The following MET variants were observed in gnomAD, a reference collection of about 807,000 sequenced individuals.
MET encodes MET proto-oncogene, receptor tyrosine kinase, also known as hepatocyte growth factor receptor.
A neutral mutation model predicts 133.1 loss-of-function variants in MET; 48 were observed. The observed-to-expected ratio is 0.36, with a 90% CI of 0.29 to 0.46. The LOEUF is 0.46. Ranked by LOEUF, MET falls within the 20% of genes least tolerant of loss-of-function variation. MET has a pLI of 1.00. For synonymous variants in MET, 628 were observed against 616.5 expected, an observed-to-expected ratio of 1.02 and a Z score of -0.28; for missense variants, 1,442 against 1,695.9, an observed-to-expected ratio of 0.85 and a Z score of 2.63.
intron 5 of MET, among the ~76,000 whole-genome samples, chr7:116,750,654 G>T (rs1317932193): frequency 1.3e-5 from 2 of 152,136 alleles, no homozygotes; most frequent in African/African-American, 2.4e-5. Flanking sequence ...CTACAGAACA[G>T]GATTAAATTG....
Position 116,699,407 on chromosome 7 carries a change from CAGG to C in MET, c.327_329del (p.Gly110del). 2 of 1,614,032 alleles carry C rather than the reference CAGG, an allele frequency of 1.2e-6. No homozygotes were observed. Among genetic ancestry groups the C allele is most frequent in the Non-Finnish European group, 1.7e-6 (2 of 1,179,948 alleles). On this transcript the variant is annotated inframe_deletion, in exon 2 of 21. Coordinates refer to ENST00000397752, the MANE Select transcript of MET (RefSeq NM_000245.4). ...GACTGCAGCAGCAAAGCCAATTTAT[CAGG>C]AGGTGTTTGGAAAGATAACATCAAC...
chr7:116,772,018 T>C (rs750055538), intron 14 of MET, 29 bp downstream of exon 14: 1 of 1,611,136 alleles, frequency 6.2e-7, no homozygotes, highest in African/African-American at 1.3e-5. Context: ...TTCTGAGAAA[T>C]ACCTATACAT....
At chr7:116,771,453 T>C in intron 12 of MET, 45 bp from the exon 13 acceptor site, 2 of 1,611,982 alleles carry the variant, frequency 1.2e-6, no homozygotes, top group Non-Finnish European at 1.7e-6. Context: ...AGTACAAATA[T>C]CTATCATGGC....
chr7:116,771,076 A>G (rs937959400), intron 12 of MET, among the ~76,000 whole-genome samples: 2 of 152,186 alleles, frequency 1.3e-5, no homozygotes, highest in Non-Finnish European at 2.9e-5. Context: ...TTTACCTCTT[A>G]TGGGAAGTCT....
At chr7:116,765,614 G>A (rs1794598137) in intron 11 of MET, among the ~76,000 whole-genome samples, 1 of 152,028 alleles carries the variant, frequency 6.6e-6, no homozygotes, top group South Asian at 2.1e-4. Flanking sequence ...GAAGTTTTTG[G>A]CCAAGGCTTC....
At chr7:116,792,941 A>T (rs183047489) in intron 19 of MET, among the ~76,000 whole-genome samples, 3 of 152,234 alleles carry the variant, frequency 2.0e-5, no homozygotes, top group East Asian at 1.9e-4. Context: ...ATGAATCATT[A>T]TATGACAAAT....
chr7:116,724,796 T>TG, intron 2 of MET: 1 of 1,288,294 alleles, frequency 7.8e-7, no homozygotes, highest in South Asian at 1.2e-5. Context: ...AGATTGGAGG[T>TG]GAAGACCCTG....
intron 5 of MET, among the ~76,000 whole-genome samples, chr7:116,742,953 G>A (rs1793520261): frequency 6.6e-6 from 1 of 152,190 alleles, no homozygotes; most frequent in African/African-American, 2.4e-5. Context: ...TAAGATGGCC[G>A]AGTAGGAACA....
In MET at chr7:116,796,000, T is replaced by C. The variant is rs1795660204; in HGVS notation, c.4049T>C (p.Val1350Ala). 1 of 1,613,924 alleles carries C rather than the reference T, an allele frequency of 6.2e-7. No individual in the cohort carries two copies. The highest frequency in any genetic ancestry group is 8.5e-7 in the Non-Finnish European group (1 of 1,179,916). The part of the protein sequence containing the change: ...IFSTFIGEHY[V>A]HVNATYVNVK... ...TCTACTTTCATTGGGGAGCACTATG[T>C]CCATGTGAACGCTACTTATGTGAAC... Residue 1350 changes from valine to alanine, a missense_variant, in exon 21 of 21, where the codon GTC (valine) becomes GCC (alanine). Transcript: ENST00000397752.
intron 8 of MET, among the ~76,000 whole-genome samples, chr7:116,757,990 C>T (rs530460986): frequency 1.2e-4 from 19 of 152,080 alleles, no homozygotes; most frequent in Non-Finnish European, 2.5e-4. Context: ...TCCTACTTTT[C>T]AGTTTTGTCT....
chr7:116,702,876 T>C (rs752921667), intron 2 of MET, among the ~76,000 whole-genome samples: 5 of 152,144 alleles, frequency 3.3e-5, no homozygotes, highest in South Asian at 4.1e-4. Flanking sequence ...CAAGATCAGA[T>C]AATGGGAGTG....
At chr7:116,741,077 T>G (rs565263933) in intron 5 of MET, 52 bp downstream of exon 5, 6 of 1,603,314 alleles carry the variant, frequency 3.7e-6, no homozygotes, top group Admixed American at 1.7e-5. Context: ...GTTTTTTTTT[T>G]TTTTTTGGTT....
chr7:116,716,333 GA>G (rs2116682507), intron 2 of MET, among the ~76,000 whole-genome samples: 5 of 125,848 alleles, frequency 4.0e-5, no homozygotes, highest in South Asian at 2.7e-4. Context: ...GAGAGAGAGA[GA>G]GAGAAAAGAA....
intron 3 of MET, among the ~76,000 whole-genome samples, chr7:116,734,301 G>A (rs1562905343): frequency 6.6e-6 from 1 of 152,166 alleles, no homozygotes; most frequent in South Asian, 2.1e-4. Context: ...CTACCCTGAA[G>A]CCTAATGGCA....
intron 1 of MET, among the ~76,000 whole-genome samples, chr7:116,678,642 G>A (rs1184543757): frequency 1.3e-5 from 2 of 152,160 alleles, no homozygotes; most frequent in East Asian, 3.8e-4. Flanking sequence ...ATGTGGGAAA[G>A]GAAAACCCAG....
At chr7:116,762,973 G>A (rs906151787) in intron 10 of MET, 77 bp from the exon 11 acceptor site, 9 of 1,145,000 alleles carry the variant, frequency 7.9e-6, no homozygotes, top group African/African-American at 1.5e-5. Context: ...AATTGATTGG[G>A]GTGGTAAATT....
In MET at chr7:116,757,631, C is replaced by T. The variant is rs1215600480; in HGVS notation, c.1966-7C>T. 6.2e-7 allele frequency: 1 copy of T among 1,613,872 alleles called. No individual in the cohort carries two copies. The highest frequency in any genetic ancestry group is 1.1e-5 in the South Asian group (1 of 91,080). On this transcript the variant is annotated splice_region_variant and splice_polypyrimidine_tract_variant and intron_variant, in intron 7 of 20. Transcript: ENST00000397752. ...GTTACTTTGTTTTGTTTTTATCTCC[C>T]CTCCAGGATCCTGTAATAACAAGTA...
chr7:116,728,516 T>G (rs1792879476), intron 2 of MET, among the ~76,000 whole-genome samples: 1 of 152,220 alleles, frequency 6.6e-6, no homozygotes, highest in African/African-American at 2.4e-5. Flanking sequence ...TCCCTCCATT[T>G]ACAAAAGATC....
rs548390884 is a variant in MET at position 116,706,393 on chromosome 7, G to A, written c.1200+6109G>A. On this transcript the variant is annotated intron_variant, in intron 2 of 20. Transcript: ENST00000397752. Reference sequence around the variant, plus strand: ...GAAATAAATCTTAAAGTTGATTTTTGTAAAGCCCAAATGTTAATTAAAATC... The same window carrying A: ...GAAATAAATCTTAAAGTTGATTTTTATAAAGCCCAAATGTTAATTAAAATC... Among the ~76,000 whole-genome samples the A allele has an allele frequency of 5.9e-4, 90 of 152,138 alleles. 2 individuals carry two copies. The South Asian group carries it at 0.018, about 31-fold the overall frequency.
Sources: allele counts gnomAD v4.1 joint callset (sites outside exome capture counted in the v4.1 genomes callset), GRCh38; gene constraint gnomAD v4.1.1; transcripts MANE v1.5; gene names NCBI Gene and HGNC (gene_info 2026-07-23, HGNC 2026-07-21).